AP1G1: variants seen among roughly 807,000 people sequenced by gnomAD.
AP1G1 encodes the protein adaptor related protein complex 1 subunit gamma 1.
Under a neutral mutation model 108.3 loss-of-function variants are expected in AP1G1, and 7 were observed. The observed-to-expected ratio is 0.06, with a 90% CI of 0.04 to 0.12. The LOEUF is 0.12. Among genes scored for constraint, AP1G1 ranks in the 10% least tolerant of loss-of-function variants. The pLI is 1.00. For synonymous variants in AP1G1, 379 were observed against 353.5 expected (o/e 1.07, Z -0.81); for missense variants, 756 against 1,010.7 (o/e 0.75, Z 3.42).
rs912232601 is a variant in AP1G1, at chr16:71,808,747, C to T, written c.-4+16G>A. On this transcript the variant is annotated intron_variant, in intron 1 of 22. Coordinates refer to ENST00000299980, the MANE Select transcript of AP1G1 (RefSeq NM_001128.6). ...AAAAGCAGCAATATGCTCTCAGCGC[C>T]GGGAGTGACACTCACCGGCCCGAAA... is the stretch of plus-strand genomic sequence containing the variant. 8.8e-5 allele frequency: 113 copies of T among 1,288,588 alleles called. No individual in the cohort carries two copies. Among genetic ancestry groups the T allele is most frequent in the Admixed American group, 2.8e-4 (12 of 43,448 alleles). The allele number at this position is 1,288,588 out of a possible 1,614,324, so 79.8% of individuals were successfully genotyped here.
intron 1 of AP1G1, chr16:71,808,293 G>C (rs996481427): frequency 2.5e-6 from 2 of 815,968 alleles, no homozygotes; most frequent in Non-Finnish European, 3.2e-6. Flanking sequence ...CCGAGAGGAC[G>C]GCACTGCAGG....
intron 5 of AP1G1, 52 bp from the exon 6 acceptor site, chr16:71,769,751 T>C: frequency 6.8e-7 from 1 of 1,470,428 alleles, no homozygotes; most frequent in Non-Finnish European, 9.5e-7. Flanking sequence ...TATTCAATTT[T>C]ATAGAACAGG....
At chr16:71,743,859 C>A (rs927963283) in intron 19 of AP1G1, among the ~76,000 whole-genome samples, 2 of 147,148 alleles carry the variant, frequency 1.4e-5, no homozygotes, top group African/African-American at 5.1e-5. Flanking sequence ...GGCAGGAGAC[C>A]TGCTTGAACC....
chr16:71,776,880 T>A (rs1449924328), intron 2 of AP1G1, among the ~76,000 whole-genome samples: 1 of 151,410 alleles, frequency 6.6e-6, no homozygotes, highest in African/African-American at 2.4e-5. Flanking sequence ...GAGGCCAAGG[T>A]GGATGGATCA....
At chr16:71,760,710 G>A (rs1468875470) in intron 10 of AP1G1, among the ~76,000 whole-genome samples, 1 of 151,782 alleles carries the variant, frequency 6.6e-6, no homozygotes, top group Admixed American at 6.6e-5. Flanking sequence ...AAGCCACCTG[G>A]CTCATTTTTG....
chr16:71,808,465 T>C, intron 1 of AP1G1: 5 of 1,219,686 alleles, frequency 4.1e-6, no homozygotes, highest in Non-Finnish European at 5.3e-6. Context: ...CCCTCAAAGA[T>C]CGCAGCCTGA....
intron 1 of AP1G1, among the ~76,000 whole-genome samples, chr16:71,802,530 G>C (rs1176527529): frequency 6.6e-6 from 1 of 152,146 alleles, no homozygotes; most frequent in Non-Finnish European, 1.5e-5. Flanking sequence ...AGGAGGTCAA[G>C]ACCAGCCTGT....
At chr16:71,747,855 C>A (rs957903733) in intron 16 of AP1G1, among the ~76,000 whole-genome samples, 4 of 152,098 alleles carry the variant, frequency 2.6e-5, no homozygotes, top group African/African-American at 9.7e-5. Context: ...CGATGGTGTG[C>A]ACTTATAGTC....
At chr16:71,762,825 G>A (rs2031150971) in intron 9 of AP1G1, among the ~76,000 whole-genome samples, 1 of 150,824 alleles carries the variant, frequency 6.6e-6, no homozygotes, top group South Asian at 2.1e-4. Context: ...AAACTGAGGA[G>A]GGGGTTGTGG....
At position 71,731,602 on chromosome 16, in the gene AP1G1, T is replaced by C. The variant is rs1178272563; in HGVS notation, c.*1456A>G. The C allele has an allele frequency of 6.6e-6, 1 of 152,570 alleles. No individual in the cohort carries two copies. The highest frequency in any genetic ancestry group is 1.5e-5 in the Non-Finnish European group (1 of 68,036). 9.5% of individuals were successfully genotyped at this position (152,570 alleles called of 1,614,324 possible). On this transcript the variant is annotated 3_prime_UTR_variant, in exon 23 of 23. Coordinates refer to ENST00000299980, the MANE Select transcript of AP1G1 (RefSeq NM_001128.6). ...GAACATACATAGTACATTCAATGTGTACCACAGAGAGAGTCACCTCTACTT... is the reference window on the plus strand; with the variant it reads ...GAACATACATAGTACATTCAATGTGCACCACAGAGAGAGTCACCTCTACTT...
intron 19 of AP1G1, among the ~76,000 whole-genome samples, 169 bp from the exon 20 acceptor site, chr16:71,739,510 C>T (rs990225512): frequency 1.3e-5 from 2 of 151,892 alleles, no homozygotes; most frequent in African/African-American, 2.4e-5. Flanking sequence ...TACTTTAAAA[C>T]GAGCAACTTC....
rs76941119 is a variant in AP1G1 at position 71,793,357 on chromosome 16, A to G, written c.-3-3875T>C. Among the ~76,000 whole-genome samples, 663 of 152,322 alleles carry G rather than the reference A, an allele frequency of 4.4e-3. 11 individuals carry two copies. Among genetic ancestry groups the G allele is most frequent in the African/African-American group, 0.015 (642 of 41,572 alleles). ...CACTATAACATCTACTTTACTCCAGATAGAAGTCCTCATTCAGCCCGTTCT... is the reference window on the plus strand; with the variant it reads ...CACTATAACATCTACTTTACTCCAGGTAGAAGTCCTCATTCAGCCCGTTCT... On this transcript the variant is annotated intron_variant, in intron 1 of 22. Coordinates refer to ENST00000299980, the MANE Select transcript of AP1G1 (RefSeq NM_001128.6).
chr16:71,769,736 C>T (rs757659626), intron 5 of AP1G1, 37 bp from the exon 6 acceptor site: 3 of 1,524,868 alleles, frequency 2.0e-6, no homozygotes, highest in Non-Finnish European at 2.7e-6. Context: ...AAAAATGAGG[C>T]CTATTATTCA....
intron 19 of AP1G1, chr16:71,743,351 T>C (rs974861814): frequency 5.9e-5 from 9 of 152,132 alleles, no homozygotes; most frequent in Admixed American, 4.6e-4. Flanking sequence ...ATCCAACTTG[T>C]TATCCTATGT....
chr16:71,807,652 C>T, intron 1 of AP1G1: 1 of 469,256 alleles, frequency 2.1e-6, no homozygotes. Context: ...AAACCCAATA[C>T]ATGAAATCAT....
At chr16:71,733,488 T>C (rs368496498) in intron 22 of AP1G1, among the ~76,000 whole-genome samples, 2 of 7,402 alleles carry the variant, frequency 2.7e-4, no homozygotes. Flanking sequence ...TTGCCCAGGC[T>C]GGAGTGCAGT....
chr16:71,735,257 AG>A (rs1346326211), intron 21 of AP1G1, among the ~76,000 whole-genome samples: 2 of 152,240 alleles, frequency 1.3e-5, no homozygotes, highest in Non-Finnish European at 2.9e-5. Context: ...ACATGACAGA[AG>A]GAACGGAAAG....
chr16:71,772,277 G>A (rs1204361613), intron 4 of AP1G1, among the ~76,000 whole-genome samples: 2 of 151,988 alleles, frequency 1.3e-5, no homozygotes, highest in East Asian at 3.9e-4. Flanking sequence ...ACAGGCGCCC[G>A]CCACCACGCC....
At chr16:71,801,922 CAAAAAAA>C (rs901972267) in intron 1 of AP1G1, among the ~76,000 whole-genome samples, 35 of 63,772 alleles carry the variant, frequency 5.5e-4, no homozygotes, top group Non-Finnish European at 6.8e-4. Context: ...ACTCCGTAAC[CAAAAAAA>C]AAAAAAAAAA....
Sources: gnomAD v4.1 joint callset for allele counts (sites outside exome capture counted in the v4.1 genomes callset) on GRCh38, gnomAD v4.1.1 for gene constraint, MANE v1.5 for transcripts, NCBI Gene and HGNC (gene_info 2026-07-23, HGNC 2026-07-21) for gene names.